The following ZSWIM9 variants were observed in gnomAD, a reference collection of about 807,000 sequenced individuals.
The protein encoded by ZSWIM9 is uncharacterized protein ZSWIM9.
In ZSWIM9, 11 loss-of-function variants were observed where a neutral mutation model predicts 25.0. The ratio of observed to expected loss-of-function variants is 0.44; its 90% CI spans 0.28 to 0.73. The LOEUF (loss-of-function observed/expected upper bound fraction) is 0.73, where lower values mean the gene tolerates loss of function less well. Among genes scored for constraint, ZSWIM9 ranks in the 30% least tolerant of loss-of-function variants. The probability of loss-of-function intolerance (pLI) is 0.16; values close to 1 mark genes in which losing one functional copy is unlikely to be tolerated. For missense variants in ZSWIM9, 1,070 were observed against 1,296.5 expected, an observed-to-expected ratio of 0.83 and a Z score of 2.68; for synonymous variants, 562 against 582.1, an observed-to-expected ratio of 0.97 and a Z score of 0.50.
Position 48,195,740 on chromosome 19 carries a change from G to C in ZSWIM9, c.1676G>C (p.Trp559Ser). Reference sequence around the variant, plus strand: ...CTGAGAGGGCCAGAGATTAGAGACTGGAGGGGGCCCCAGTTGGAGGGTGAG... The same window carrying C: ...CTGAGAGGGCCAGAGATTAGAGACTCGAGGGGGCCCCAGTTGGAGGGTGAG... ...GHLRGPEIRD[W>S]RGPQLEGEKD... Residue 559 changes from tryptophan (W) to serine (S), a missense_variant, in exon 4 of 4, where the codon TGG (tryptophan) becomes TCG (serine). Trp to Ser is a radical substitution (Grantham distance 177). Coordinates refer to ENST00000614654, the MANE Select transcript of ZSWIM9 (RefSeq NM_199341.4). This position sits in a 1 kb window ranked among gnomAD's most constrained non-coding sequence, Gnocchi z 5.8. 6.7e-7 allele frequency: 1 copy of C among 1,484,338 alleles called. No homozygotes were observed. The highest frequency in any genetic ancestry group is 8.9e-7 in the Non-Finnish European group (1 of 1,124,494). 91.9% of individuals were successfully genotyped at this position (1,484,338 alleles called of 1,614,324 possible). A position where few individuals can be genotyped will look rare whatever the true frequency, so the allele number is the denominator to read the frequency against.
intron 2 of ZSWIM9, among the ~76,000 whole-genome samples, chr19:48,176,417 G>A (rs1323618432): frequency 1.3e-5 from 2 of 152,098 alleles, no homozygotes; most frequent in African/African-American, 4.8e-5. Flanking sequence ...TTCCAGGTGA[G>A]AAAACTGAGG....
At chr19:48,172,795 G>A (rs1178513565) in intron 2 of ZSWIM9, among the ~76,000 whole-genome samples, 1 of 152,106 alleles carries the variant, frequency 6.6e-6, no homozygotes, top group South Asian at 2.1e-4. Flanking sequence ...GATTACAGCC[G>A]CGAGCCACTG....
At chr19:48,173,750 C>T (rs1211747261) in intron 2 of ZSWIM9, among the ~76,000 whole-genome samples, 1 of 152,184 alleles carries the variant, frequency 6.6e-6, no homozygotes, top group African/African-American at 2.4e-5. Context: ...AATTCTCCTG[C>T]CTTAGCCTCC....
chr19:48,182,239 T>A lies in ZSWIM9; in HGVS notation c.276-216T>A, dbSNP rs1422103916. 2 of 578,830 alleles carry A rather than the reference T, an allele frequency of 3.5e-6. No homozygotes were observed. Among genetic ancestry groups the A allele is most frequent in the Non-Finnish European group, 6.1e-6 (2 of 327,230 alleles). 35.9% of individuals were successfully genotyped at this position (578,830 alleles called of 1,614,324 possible). A position where few individuals can be genotyped will look rare whatever the true frequency, so the allele number is the denominator to read the frequency against. On this transcript the variant is annotated intron_variant, in intron 2 of 3. Transcript: ENST00000614654. This position sits in a 1 kb window ranked among gnomAD's most constrained non-coding sequence, Gnocchi z 4.6. ...TCATGACGATCCTATGAGGAAGGTA[T>A]GATGAGTAGGACCTTCCTTGTAACC... is the stretch of plus-strand genomic sequence containing the variant.
chr19:48,181,544 A>G (rs2036948711), intron 2 of ZSWIM9: 1 of 152,214 alleles, frequency 6.6e-6, no homozygotes, highest in African/African-American at 2.4e-5. Context: ...GCGAATACAC[A>G]TAGTGCTGCT....
Position 48,172,122 on chromosome 19 carries a change from C to G in ZSWIM9, c.275+45C>G, listed in dbSNP as rs1293197125. ...TGTCCTGCTGGGGGGAAGGGGAGCA[C>G]CGGGGGTGGGTGTGGGTGGGAGACG... On this transcript the variant is annotated intron_variant, in intron 2 of 3. Transcript: ENST00000614654. The G allele has an allele frequency of 4.2e-6, 4 of 956,624 alleles. No homozygotes were observed. In the South Asian group the frequency reaches 6.1e-5, roughly 15 times the overall value. 59.3% of individuals were successfully genotyped at this position (956,624 alleles called of 1,614,324 possible).
intron 3 of ZSWIM9, among the ~76,000 whole-genome samples, chr19:48,185,257 A>G (rs1191747966): frequency 6.6e-6 from 1 of 150,932 alleles, no homozygotes; most frequent in Admixed American, 6.7e-5. Flanking sequence ...CTCCTGCCTC[A>G]GCCTCCTGAG....
At chr19:48,176,614 T>C (rs1043648662) in intron 2 of ZSWIM9, among the ~76,000 whole-genome samples, 2 of 152,074 alleles carry the variant, frequency 1.3e-5, no homozygotes, top group Admixed American at 1.3e-4. Context: ...AGTGTGAGGG[T>C]TGACCGTGCC....
rs2036953999 is a variant in ZSWIM9, at chr19:48,182,150, A to G, written c.276-305A>G. The G allele has an allele frequency of 5.2e-6, 2 of 383,856 alleles. No homozygotes were observed. Among genetic ancestry groups the G allele is most frequent in the Non-Finnish European group, 9.3e-6 (2 of 214,580 alleles). 23.8% of individuals were successfully genotyped at this position (383,856 alleles called of 1,614,324 possible). A position where few individuals can be genotyped will look rare whatever the true frequency, so the allele number is the denominator to read the frequency against. ...TGGTAGGTATAGAATTTTAGTGAAC[A>G]CTTACTGCTTGCCATATTCCAGACA... is the stretch of plus-strand genomic sequence containing the variant. On this transcript the variant is annotated intron_variant, in intron 2 of 3. Transcript: ENST00000614654. This position sits in a 1 kb window ranked among gnomAD's most constrained non-coding sequence, Gnocchi z 4.6.
Position 48,195,626 on chromosome 19 carries a change from G to C in ZSWIM9, c.1562G>C (p.Arg521Thr). ...EGEKGRALQI[R>T]DWRGGRLENQ... The stretch of plus-strand genomic sequence containing the variant: ...GAGAAGGGGAGGGCACTGCAGATCA[G>C]AGATTGGAGAGGGGGTCGGTTGGAG... The change falls in exon 4 of 4, where the codon AGA (arginine) becomes ACA (threonine). Residue 521 changes from arginine (R) to threonine (T), a missense_variant. Coordinates refer to ENST00000614654, the MANE Select transcript of ZSWIM9 (RefSeq NM_199341.4). This position sits in a 1 kb window ranked among gnomAD's most constrained non-coding sequence, Gnocchi z 5.8. 1.4e-6 allele frequency: 2 copies of C among 1,423,860 alleles called. No homozygotes were observed. The highest frequency in any genetic ancestry group is 1.8e-6 in the Non-Finnish European group (2 of 1,094,880). 88.2% of individuals were successfully genotyped at this position (1,423,860 alleles called of 1,614,324 possible).
chr19:48,179,392 C>G (rs2036924910), intron 2 of ZSWIM9, among the ~76,000 whole-genome samples: 3 of 151,934 alleles, frequency 2.0e-5, no homozygotes, highest in Non-Finnish European at 2.9e-5. Context: ...TGGTCTTGAA[C>G]TCCTGGACTC....
chr19:48,183,547 G>A (rs1229925165), intron 3 of ZSWIM9, among the ~76,000 whole-genome samples: 2 of 151,906 alleles, frequency 1.3e-5, no homozygotes, highest in Non-Finnish European at 2.9e-5. Flanking sequence ...TGACAAACAT[G>A]TCCAAATATG....
Position 48,195,802 on chromosome 19 carries a change from T to C in ZSWIM9, c.1738T>C (p.Ser580Pro). 1 of 1,488,064 alleles carries C rather than the reference T, an allele frequency of 6.7e-7. No individual in the cohort carries two copies. Among genetic ancestry groups the C allele is most frequent in the Non-Finnish European group, 8.9e-7 (1 of 1,126,424 alleles). The allele number at this position is 1,488,064 out of a possible 1,614,324, so 92.2% of individuals were successfully genotyped here. The change falls in exon 4 of 4, where the codon TCC (serine) becomes CCC (proline). Residue 580 changes from serine to proline, a missense_variant. By Grantham distance (74) the Ser-to-Pro change is moderately conservative. Around this residue, in one of 4 missense-constraint regions of ZSWIM9, gnomAD observed 583 missense variants for 624.7 expected, o/e 0.93. Coordinates refer to ENST00000614654, the MANE Select transcript of ZSWIM9 (RefSeq NM_199341.4). This position sits in a 1 kb window ranked among gnomAD's most constrained non-coding sequence, Gnocchi z 5.8. ...WGLEGYVWRG[S>P]QLEDQALRGL... ...ACTGGAAGGTTATGTCTGGAGGGGGTCCCAGTTGGAGGACCAGGCGCTAAG... is the reference window on the plus strand; with the variant it reads ...ACTGGAAGGTTATGTCTGGAGGGGGCCCCAGTTGGAGGACCAGGCGCTAAG...
chr19:48,187,578 T>TAATATATATAA (rs2037043664), intron 3 of ZSWIM9: 1 of 60,708 alleles, frequency 1.6e-5, no homozygotes, highest in African/African-American at 5.1e-5. Flanking sequence ...ATTATATATA[T>TAATATATATAA]TATATATTAT....
In ZSWIM9 at chr19:48,195,308, G is replaced by A. The variant is rs2037145765; in HGVS notation, c.1244G>A (p.Arg415His). Residue 415 changes from arginine (R) to histidine (H), a missense_variant, in exon 4 of 4, where the codon CGT becomes CAT. Arg to His is a conservative substitution (Grantham distance 29). This residue lies in a region of ZSWIM9 where 184 missense variants were observed against 243.1 expected (regional missense o/e 0.76). Transcript: ENST00000614654. This position sits in a 1 kb window ranked among gnomAD's most constrained non-coding sequence, Gnocchi z 5.8. ...LVRGHRRRLL[R>H]RLSPSRGVAQ... is the part of the protein sequence containing the mutation. ...CGAGGCCACCGCCGGCGACTGCTGC[G>A]TCGTCTCAGCCCCTCGCGTGGCGTG... 2 of 1,530,596 alleles carry A rather than the reference G, an allele frequency of 1.3e-6. No individual in the cohort carries two copies. Among genetic ancestry groups the A allele is most frequent in the African/African-American group, 1.4e-5 (1 of 72,464 alleles). 94.8% of individuals were successfully genotyped at this position (1,530,596 alleles called of 1,614,324 possible).
chr19:48,192,567 C>T (rs1236742949), intron 3 of ZSWIM9, among the ~76,000 whole-genome samples: 1 of 144,948 alleles, frequency 6.9e-6, no homozygotes, highest in East Asian at 2.0e-4. Context: ...CCTTAAAATG[C>T]CGCCCATGCA....
chr19:48,183,005 T>G (rs1050769648), intron 3 of ZSWIM9: 23 of 522,598 alleles, frequency 4.4e-5, no homozygotes, highest in Non-Finnish European at 7.8e-5. Flanking sequence ...AGTAGAACTT[T>G]CTTCCAGGAT....
intron 3 of ZSWIM9, among the ~76,000 whole-genome samples, chr19:48,191,273 C>T (rs1478553222): frequency 6.6e-6 from 1 of 152,088 alleles, no homozygotes; most frequent in African/African-American, 2.4e-5. Context: ...GGCACAATCT[C>T]GGCTCACTGC....
At chr19:48,189,773 G>C (rs555001089) in intron 3 of ZSWIM9, among the ~76,000 whole-genome samples, 1 of 152,282 alleles carries the variant, frequency 6.6e-6, no homozygotes, top group South Asian at 2.1e-4. Context: ...CTGTGGATGA[G>C]GGTAGAATAG....
Sources: allele counts gnomAD v4.1 joint callset (sites outside exome capture counted in the v4.1 genomes callset), GRCh38; gene constraint gnomAD v4.1.1; regional missense constraint gnomAD v4.1.1; non-coding constraint Gnocchi (gnomAD v3.1); transcripts MANE v1.5; gene names NCBI Gene and HGNC (gene_info 2026-07-23, HGNC 2026-07-21).